RPS6KC1: variants seen among roughly 807,000 people sequenced by gnomAD.
RPS6KC1 encodes ribosomal protein S6 kinase C1.
A neutral mutation model predicts 103.8 loss-of-function variants in RPS6KC1; 54 were observed. The observed-to-expected ratio is 0.52, with a 90% confidence interval of 0.42 to 0.65. RPS6KC1 has a LOEUF of 0.65. RPS6KC1 is among the 30% of genes least tolerant of loss of function. The probability of loss-of-function intolerance (pLI) is 0.00; values close to 1 mark genes in which losing one functional copy is unlikely to be tolerated. For missense variants in RPS6KC1, 1,151 were observed against 1,253.8 expected (o/e 0.92, Z 1.24); for synonymous variants, 439 against 438.7 (o/e 1.00, Z -0.01).
chr1:213,845,388 T>A, the RPS6KC1 span, among the ~76,000 whole-genome samples: 1 of 152,188 alleles, frequency 6.6e-6, no homozygotes, highest in South Asian at 2.1e-4. Flanking sequence ...CTCACCCCCA[T>A]GCTTTTCAAC....
the RPS6KC1 span, among the ~76,000 whole-genome samples, chr1:213,499,025 C>T: frequency 2.6e-5 from 4 of 151,946 alleles, no homozygotes; most frequent in Admixed American, 1.3e-4. Flanking sequence ...GGTGATCCAC[C>T]TGTCTCAGCC....
chr1:213,771,652 T>C, the RPS6KC1 span, among the ~76,000 whole-genome samples: 1 of 152,364 alleles, frequency 6.6e-6, no homozygotes, highest in African/African-American at 2.4e-5. Flanking sequence ...AACTTATACT[T>C]ACATAGTCCT....
At chr1:213,557,426 G>A in the RPS6KC1 span, among the ~76,000 whole-genome samples, 5 of 152,302 alleles carry the variant, frequency 3.3e-5, no homozygotes, top group African/African-American at 1.2e-4. Context: ...GCATCTGCAT[G>A]TGTGGGAGGC....
intron 6 of RPS6KC1, among the ~76,000 whole-genome samples, chr1:213,162,086 A>G (rs1037558105): frequency 6.6e-6 from 1 of 152,156 alleles, no homozygotes; most frequent in African/African-American, 2.4e-5. Context: ...GAAAAATTTT[A>G]GTTCCTTAGT....
intron 7 of RPS6KC1, among the ~76,000 whole-genome samples, chr1:213,168,565 A>G (rs2091196687): frequency 6.6e-6 from 1 of 152,070 alleles, no homozygotes. Flanking sequence ...TTTTCTTTAT[A>G]TCAAATGCAA....
intron 1 of RPS6KC1, among the ~76,000 whole-genome samples, chr1:213,058,191 C>T (rs2077516119): frequency 6.6e-6 from 1 of 151,148 alleles, no homozygotes; most frequent in South Asian, 2.1e-4. Flanking sequence ...GTGATACCCA[C>T]CTCAGCCTTC....
Position 213,259,734 on chromosome 1 carries a change from A to ATTT in RPS6KC1, c.2912-1805_2912-1803dup, listed in dbSNP as rs71147063. 4.7e-3 allele frequency among the ~76,000 whole-genome samples: 458 copies of ATTT among 97,870 alleles called. 7 individuals are homozygous for ATTT. Among genetic ancestry groups the ATTT allele is most frequent in the African/African-American group, 9.3e-3 (246 of 26,356 alleles). The allele number at this position is 97,870 out of a possible 152,430, so 64.2% of individuals were successfully genotyped here. A position where few individuals can be genotyped will look rare whatever the true frequency, so the allele number is the denominator to read the frequency against. On this transcript the variant is annotated intron_variant, in intron 12 of 14. Coordinates refer to ENST00000366960, the MANE Select transcript of RPS6KC1 (RefSeq NM_012424.6). Reference sequence around the variant, plus strand: ...AGTATATGTAGGTGTTGTTTTTTTAATTTTTTTTTTTTTTTTTTTTTGAGT... The same window carrying ATTT: ...AGTATATGTAGGTGTTGTTTTTTTAATTTTTTTTTTTTTTTTTTTTTTTTGAGT...
In RPS6KC1 at chr1:213,143,006, G is replaced by T. The variant is rs1415927385; in HGVS notation, c.835+13117G>T. The stretch of plus-strand genomic sequence containing the variant: ...TATATTTTTATTTTTCTTAGATTAG[G>T]TATATTTAGCAAATTTAAAAGTAAA... On this transcript the variant is annotated intron_variant, in intron 6 of 14. Transcript: ENST00000366960. Among the ~76,000 whole-genome samples the T allele has an allele frequency of 5.3e-5, 8 of 151,844 alleles. No homozygotes were observed. In the Admixed American group the frequency reaches 5.3e-4, roughly 10 times the overall value.
At chr1:213,776,450 A>G in the RPS6KC1 span, among the ~76,000 whole-genome samples, 2 of 152,236 alleles carry the variant, frequency 1.3e-5, no homozygotes, top group Admixed American at 6.5e-5. Context: ...GACCAGGTGC[A>G]TTGTCAATGA....
the RPS6KC1 span, among the ~76,000 whole-genome samples, chr1:213,760,222 TAACTC>T: frequency 6.6e-6 from 1 of 152,114 alleles, no homozygotes; most frequent in Non-Finnish European, 1.5e-5. Flanking sequence ...ATCAAATAAA[TAACTC>T]AGGAAGAAAT....
chr1:213,720,196 T>C, the RPS6KC1 span, among the ~76,000 whole-genome samples: 3 of 152,228 alleles, frequency 2.0e-5, no homozygotes, highest in Non-Finnish European at 4.4e-5. Flanking sequence ...GAACAGTGTA[T>C]GTGGTGAGAG....
the RPS6KC1 span, among the ~76,000 whole-genome samples, chr1:213,798,920 C>T: frequency 2.6e-5 from 4 of 152,188 alleles, no homozygotes; most frequent in Non-Finnish European, 5.9e-5. Flanking sequence ...GTGCCAAATT[C>T]CTTGGGCTTA....
intron 8 of RPS6KC1, among the ~76,000 whole-genome samples, chr1:213,188,833 G>GT (rs35525974): frequency 0.039 from 5,692 of 146,476 alleles, 271 homozygotes; most frequent in African/African-American, 0.12. Flanking sequence ...TTTCCGCAAG[G>GT]TTTTTTTTTT....
chr1:213,185,274 T>A (rs2092469824), intron 8 of RPS6KC1, among the ~76,000 whole-genome samples: 1 of 152,164 alleles, frequency 6.6e-6, no homozygotes, highest in South Asian at 2.1e-4. Context: ...CTATGTGTCT[T>A]TATAGGTAGG....
At chr1:213,394,514 G>T in the RPS6KC1 span, among the ~76,000 whole-genome samples, 2 of 151,744 alleles carry the variant, frequency 1.3e-5, no homozygotes, top group African/African-American at 4.8e-5. Context: ...TTCAACTCTT[G>T]CTCCTTACCT....
chr1:213,776,564 C>G, the RPS6KC1 span, among the ~76,000 whole-genome samples: 1 of 152,160 alleles, frequency 6.6e-6, no homozygotes, highest in Non-Finnish European at 1.5e-5. Context: ...CTATTATCCA[C>G]GTTTTCACTG....
Position 213,262,869 on chromosome 1 carries a change from C to T in RPS6KC1, c.3090+53C>T, listed in dbSNP as rs185353274. Reference sequence around the variant, plus strand: ...TTATCAACCATGCAGATTAGCAGAGCCCACAACTCCAAAACCTTAAAAAGA... The same window carrying T: ...TTATCAACCATGCAGATTAGCAGAGTCCACAACTCCAAAACCTTAAAAAGA... On this transcript the variant is annotated intron_variant, in intron 14 of 14. Transcript: ENST00000366960. 20 of 1,035,948 alleles carry T rather than the reference C, an allele frequency of 1.9e-5. No individual in the cohort carries two copies. In the Admixed American group the frequency reaches 2.9e-4, roughly 15 times the overall value. The allele number at this position is 1,035,948 out of a possible 1,614,324, so 64.2% of individuals were successfully genotyped here.
chr1:213,363,710 CTT>C, the RPS6KC1 span, among the ~76,000 whole-genome samples: 4 of 106,438 alleles, frequency 3.8e-5, 1 homozygote, highest in East Asian at 6.3e-4. Flanking sequence ...TTCCTTCTTT[CTT>C]TCTTTCTTTC....
At chr1:213,653,224 C>T in the RPS6KC1 span, among the ~76,000 whole-genome samples, 7 of 152,174 alleles carry the variant, frequency 4.6e-5, no homozygotes, top group Non-Finnish European at 1.0e-4. Context: ...TTTGGGAGGT[C>T]GAGACGGGCA....
Sources: gnomAD v4.1 joint callset for allele counts (sites outside exome capture counted in the v4.1 genomes callset) on GRCh38, gnomAD v4.1.1 for gene constraint, MANE v1.5 for transcripts, NCBI Gene and HGNC (gene_info 2026-07-23, HGNC 2026-07-21) for gene names.